Variants in CERT1 observed in about 807,000 individuals in gnomAD.
The protein encoded by CERT1 is ceramide transporter 1.
A neutral mutation model predicts 87.9 loss-of-function variants in CERT1; 31 were observed. That is an observed-to-expected ratio of 0.35 (90% confidence interval 0.27 to 0.48). The LOEUF is 0.48. CERT1 is among the 20% of genes least tolerant of loss of function. The probability of loss-of-function intolerance (pLI) is 0.99; values close to 1 mark genes in which losing one functional copy is unlikely to be tolerated. For missense variants in CERT1, 487 were observed against 758.0 expected (o/e 0.64, Z 4.20); for synonymous variants, 289 against 250.9 (o/e 1.15, Z -1.44).
chr5:75,444,213 G>A (rs576575334), intron 3 of CERT1, among the ~76,000 whole-genome samples: 1 of 152,072 alleles, frequency 6.6e-6, no homozygotes, highest in South Asian at 2.1e-4. Context: ...CCGCCACTGC[G>A]CTCAGCTAAT....
At chr5:75,476,478 C>T (rs1241532107) in intron 2 of CERT1, among the ~76,000 whole-genome samples, 4 of 152,088 alleles carry the variant, frequency 2.6e-5, no homozygotes, top group African/African-American at 7.2e-5. Flanking sequence ...ACCTCAGAGC[C>T]GCTCTTTCCT....
intron 3 of CERT1, among the ~76,000 whole-genome samples, chr5:75,443,416 T>C (rs1301361107): frequency 6.6e-6 from 1 of 152,246 alleles, no homozygotes; most frequent in Non-Finnish European, 1.5e-5. Flanking sequence ...CTAAGCATTT[T>C]CTAATTTCCC....
chr5:75,368,799 A>T (rs1760981335), intron 17 of CERT1: 1 of 152,226 alleles, frequency 6.6e-6, no homozygotes, highest in African/African-American at 2.4e-5. Flanking sequence ...CATACTGATA[A>T]GCCCCACTGT....
intron 2 of CERT1, among the ~76,000 whole-genome samples, chr5:75,484,432 C>T (rs1766407090): frequency 6.6e-6 from 1 of 150,934 alleles, no homozygotes; most frequent in African/African-American, 2.4e-5. Context: ...ACTAAACTCT[C>T]CAATCAAAAG....
At position 75,407,615 on chromosome 5, in the gene CERT1, A is replaced by G. The variant is rs185392293; in HGVS notation, c.930+3396T>C. Among the ~76,000 whole-genome samples, 316 of 152,260 alleles carry G rather than the reference A, an allele frequency of 2.1e-3. 1 individual carries two copies. In the East Asian group the frequency reaches 0.027, roughly 13 times the overall value. ...ATCGTAAAAAAGAAACGTGGCAGCCATAAAAAAGAATGAAATCATATTCTT... is the reference window on the plus strand; with the variant it reads ...ATCGTAAAAAAGAAACGTGGCAGCCGTAAAAAAGAATGAAATCATATTCTT... On this transcript the variant is annotated intron_variant, in intron 8 of 16. Transcript: ENST00000643780.
intron 2 of CERT1, among the ~76,000 whole-genome samples, chr5:75,505,071 G>C (rs1376151008): frequency 6.6e-6 from 1 of 152,126 alleles, no homozygotes; most frequent in Non-Finnish European, 1.5e-5. Flanking sequence ...TGGATCACTT[G>C]AGGTCAGGAG....
intron 2 of CERT1, among the ~76,000 whole-genome samples, chr5:75,476,808 C>A (rs906685086): frequency 5.3e-5 from 8 of 152,124 alleles, no homozygotes; most frequent in African/African-American, 1.9e-4. Flanking sequence ...GCATAATGCC[C>A]TTCCTTGGAG....
chr5:75,374,619 A>G (rs959956846), downstream of CERT1: 24 of 673,502 alleles, frequency 3.6e-5, no homozygotes, highest in African/African-American at 4.1e-4. Context: ...AGTCAGGGAC[A>G]TTTCCGAAGC....
chr5:75,481,433 A>G (rs757035180), intron 2 of CERT1, among the ~76,000 whole-genome samples: 20 of 152,254 alleles, frequency 1.3e-4, no homozygotes, highest in Admixed American at 9.8e-4. Context: ...TAGTGGCATC[A>G]AACTAATTAA....
At chr5:75,505,690 G>A (rs1037288236) in intron 2 of CERT1, 2 of 192,870 alleles carry the variant, frequency 1.0e-5, no homozygotes, top group Admixed American at 1.2e-4. Flanking sequence ...AACCTACAAA[G>A]TAACTGTCCC....
chr5:75,439,405 C>T (rs1764225757), intron 3 of CERT1, among the ~76,000 whole-genome samples: 1 of 151,700 alleles, frequency 6.6e-6, no homozygotes, highest in South Asian at 2.1e-4. Context: ...TTTTGAAAAC[C>T]TTCTTCTTTT....
chr5:75,407,800 G>C (rs1003811993), intron 8 of CERT1, among the ~76,000 whole-genome samples: 2 of 149,464 alleles, frequency 1.3e-5, no homozygotes, highest in Admixed American at 6.7e-5. Context: ...AGCCCATCAA[G>C]AGTTTTGCCT....
chr5:75,425,238 G>A (rs1023167366), intron 5 of CERT1, 123 bp downstream of exon 5: 7 of 839,886 alleles, frequency 8.3e-6, no homozygotes, highest in African/African-American at 6.9e-5. Flanking sequence ...CTGTTTCACT[G>A]GGGGTTTGCA....
rs1478002757 is a variant in CERT1, at chr5:75,389,698, G to A, written c.1189-11C>T. The A allele has an allele frequency of 1.3e-6, 2 of 1,597,952 alleles. No individual in the cohort carries two copies. Among genetic ancestry groups the A allele is most frequent in the Admixed American group, 3.3e-5 (2 of 59,896 alleles). Reference sequence around the variant, plus strand: ...CACCATCTCTTCAACCTTGAGAAGGGAGGAAAAAGGCATGAGAATCCAAAA... The same window carrying A: ...CACCATCTCTTCAACCTTGAGAAGGAAGGAAAAAGGCATGAGAATCCAAAA... On this transcript the variant is annotated splice_polypyrimidine_tract_variant and intron_variant, in intron 11 of 16. Transcript: ENST00000643780.
At chr5:75,406,517 T>G (rs983291753) in intron 8 of CERT1, among the ~76,000 whole-genome samples, 9 of 152,230 alleles carry the variant, frequency 5.9e-5, no homozygotes, top group Non-Finnish European at 1.2e-4. Flanking sequence ...CCAAGCCTAG[T>G]GTAGTGCCCT....
At chr5:75,507,838 AC>A (rs1263538794) in intron 1 of CERT1, among the ~76,000 whole-genome samples, 1 of 152,162 alleles carries the variant, frequency 6.6e-6, no homozygotes, top group Non-Finnish European at 1.5e-5. Context: ...GATACTCAAT[AC>A]CTAAGTGTTC....
At chr5:75,503,003 CTACT>C (rs1010341566) in intron 2 of CERT1, among the ~76,000 whole-genome samples, 6 of 152,032 alleles carry the variant, frequency 3.9e-5, no homozygotes, top group African/African-American at 7.2e-5. Context: ...TTCCTCTCAC[CTACT>C]TACTGTCAAT....
intron 2 of CERT1, among the ~76,000 whole-genome samples, chr5:75,475,485 G>A (rs945547973): frequency 6.6e-6 from 1 of 152,088 alleles, no homozygotes. Context: ...GAATGGGGAA[G>A]GAAAGAAGAG....
intron 2 of CERT1, among the ~76,000 whole-genome samples, chr5:75,463,732 T>C (rs1256763771): frequency 6.6e-6 from 1 of 152,172 alleles, no homozygotes; most frequent in Non-Finnish European, 1.5e-5. Flanking sequence ...GAAGGCTTTA[T>C]AGGGTGCTAA....
Sources: gnomAD v4.1 joint callset for allele counts (sites outside exome capture counted in the v4.1 genomes callset) on GRCh38, gnomAD v4.1.1 for gene constraint, MANE v1.5 for transcripts, NCBI Gene and HGNC (gene_info 2026-07-23, HGNC 2026-07-21) for gene names.